WDFY4: variants seen among roughly 807,000 people sequenced by gnomAD.
WDFY4 encodes the protein WDFY family member 4, also known as WD repeat- and FYVE domain-containing protein 4.
Under a neutral mutation model 351.9 loss-of-function variants are expected in WDFY4, and 169 were observed. The ratio of observed to expected loss-of-function variants is 0.48; its 90% CI spans 0.42 to 0.55. The LOEUF (loss-of-function observed/expected upper bound fraction) is 0.55, where lower values mean the gene tolerates loss of function less well. Among genes scored for constraint, WDFY4 ranks in the 20% least tolerant of loss-of-function variants. The pLI, the probability that WDFY4 is intolerant of heterozygous loss-of-function variation, is 0.00. For missense variants in WDFY4, 3,803 were observed against 3,935.6 expected (o/e 0.97, Z 0.90); for synonymous variants, 1,622 against 1,574.6 (o/e 1.03, Z -0.71).
At chr10:48,696,380 C>T (rs766277760) in intron 1 of WDFY4, among the ~76,000 whole-genome samples, 7 of 152,226 alleles carry the variant, frequency 4.6e-5, no homozygotes, top group Non-Finnish European at 5.9e-5. Context: ...GCCCCTGACT[C>T]CACCTGGCCC....
Position 48,787,892 on chromosome 10 carries a change from TCCTTCTTCTTCTTC to T in WDFY4, c.3809-637_3809-624del, listed in dbSNP as rs1565198412. 3.3e-3 allele frequency among the ~76,000 whole-genome samples: 238 copies of T among 72,280 alleles called. 7 individuals carry two copies. Among genetic ancestry groups the T allele is most frequent in the East Asian group, 0.014 (25 of 1,728 alleles). The allele number at this position is 72,280 out of a possible 152,430, so 47.4% of individuals were successfully genotyped here. ...CTTTCTTCTTTCTTTCTTCTTCTTC[TCCTTCTTCTTCTTC>T]TTCTTCTTCTTCTTCTTCTTCTTCT... On this transcript the variant is annotated intron_variant, in intron 20 of 61. Transcript: ENST00000325239.
intron 47 of WDFY4, among the ~76,000 whole-genome samples, chr10:48,921,961 CTAAG>C (rs1436872346): frequency 2.0e-5 from 3 of 152,110 alleles, no homozygotes; most frequent in East Asian, 3.8e-4. Context: ...ATTTTCCCAA[CTAAG>C]TATTTACCCT....
chr10:48,875,479 A>G (rs779652536), intron 42 of WDFY4, among the ~76,000 whole-genome samples: 3 of 152,226 alleles, frequency 2.0e-5, no homozygotes, highest in Non-Finnish European at 2.9e-5. Flanking sequence ...CAGTGGCATA[A>G]TCACAACTCA....
intron 39 of WDFY4, among the ~76,000 whole-genome samples, chr10:48,843,296 T>C (rs753241489): frequency 6.6e-5 from 10 of 152,246 alleles, no homozygotes; most frequent in Non-Finnish European, 1.3e-4. Flanking sequence ...TTATATGCCA[T>C]ATATGAAGGC....
chr10:48,814,407 C>T (rs1174411634), intron 31 of WDFY4, among the ~76,000 whole-genome samples: 1 of 152,224 alleles, frequency 6.6e-6, no homozygotes, highest in Non-Finnish European at 1.5e-5. Context: ...CTCAACGAGT[C>T]CATCTCCTCG....
In WDFY4 at chr10:48,913,509, T is replaced by C. The variant is rs533050061; in HGVS notation, c.7586+11646T>C. ...GATTCTATTCAGGTTGTCCCGGGCG[T>C]TTTGGCATTTTCTCAGGCAAGCCGC... On this transcript the variant is annotated intron_variant, in intron 47 of 61. Transcript: ENST00000325239. 9.9e-4 allele frequency: 1,591 copies of C among 1,613,702 alleles called. 29 individuals are homozygous for C. The South Asian group carries it at 0.016, about 16-fold the overall frequency.
chr10:48,808,946 A>C (rs181243950), intron 28 of WDFY4, among the ~76,000 whole-genome samples: 1 of 152,310 alleles, frequency 6.6e-6, no homozygotes, highest in East Asian at 1.9e-4. Context: ...TGTTGGTGAA[A>C]ATGTAATTGT....
rs368931313 is a variant in WDFY4 at position 48,731,459 on chromosome 10, C to A, written c.1479C>A (p.Ile493=). Residue 493 remains isoleucine, a synonymous_variant, in exon 9 of 62, where the codon ATC becomes ATA. Transcript: ENST00000325239. The stretch of plus-strand genomic sequence containing the variant: ...TGGCCCTGCAGAGCATCCTCAGCAT[C>A]GCTGGTGGGGACCCCCTCTTCACCG... The part of the protein sequence containing the change: ...TLMALQSILS[I]AGGDPLFTDI... The A allele has an allele frequency of 1.3e-6, 2 of 1,551,574 alleles. No individual in the cohort carries two copies. The highest frequency in any genetic ancestry group is 1.7e-6 in the Non-Finnish European group (2 of 1,147,010).
At chr10:48,788,795 T>C in intron 21 of WDFY4, 120 bp downstream of exon 21, 1 of 1,305,302 alleles carries the variant, frequency 7.7e-7, no homozygotes, top group Non-Finnish European at 1.0e-6. Flanking sequence ...GATACACAAA[T>C]ACATGTTTCC....
At chr10:48,946,783 A>G in intron 50 of WDFY4, 77 bp from the exon 51 acceptor site, 1 of 1,075,302 alleles carries the variant, frequency 9.3e-7, no homozygotes, top group South Asian at 1.4e-5. Context: ...CCGTTCATGA[A>G]CACAGTGTAG....
chr10:48,820,486 C>T (rs770659311), intron 33 of WDFY4, 49 bp downstream of exon 33: 6 of 1,524,152 alleles, frequency 3.9e-6, no homozygotes, highest in Non-Finnish European at 4.4e-6. Context: ...AGGCTGCCGG[C>T]ATACCGGCAC....
chr10:48,767,654 G>A lies in WDFY4; in HGVS notation c.2554-6804G>A, dbSNP rs534098305. Among the ~76,000 whole-genome samples the A allele has an allele frequency of 7.9e-4, 120 of 152,290 alleles. 5 individuals are homozygous for A. The South Asian group carries it at 0.024, about 31-fold the overall frequency. ...AGGAGAAGGGTCCCTGTCAGCTTGAGCGAGGGATCAGAATCCATGGGATCA... is the reference window on the plus strand; with the variant it reads ...AGGAGAAGGGTCCCTGTCAGCTTGAACGAGGGATCAGAATCCATGGGATCA... On this transcript the variant is annotated intron_variant, in intron 13 of 61. Coordinates refer to ENST00000325239, the MANE Select transcript of WDFY4 (RefSeq NM_001394531.1).
intron 47 of WDFY4, among the ~76,000 whole-genome samples, chr10:48,922,008 C>T (rs1165043942): frequency 1.3e-5 from 2 of 152,110 alleles, no homozygotes; most frequent in East Asian, 3.8e-4. Context: ...ATACTGAAAC[C>T]TGTTCACAGG....
rs186862403 is a variant in WDFY4 at position 48,822,474 on chromosome 10, C to T, written c.5919C>T (p.Tyr1973=). The T allele has an allele frequency of 2.4e-4, 367 of 1,551,082 alleles. No individual in the cohort carries two copies. The African/African-American group carries it at 4.6e-3, about 20-fold the overall frequency. The change falls in exon 35 of 62, where the codon TAC becomes TAT. Residue 1973 remains tyrosine (Y), a synonymous_variant. Transcript: ENST00000325239. ...CCCAGAAGCTGGTGGAGAAGCTGTA[C>T]AGTGGGATGTTCTCGGCAGACCCCA... ...CFTQKLVEKL[Y]SGMFSADPRH...
intron 57 of WDFY4, among the ~76,000 whole-genome samples, chr10:48,974,527 A>AAAACAAC: frequency 4.3e-5 from 1 of 23,148 alleles, no homozygotes; most frequent in African/African-American, 7.3e-5. Context: ...AAAAAAAAAA[A>AAAACAAC]AACAACTCAT....
chr10:48,812,598 A>G (rs1196614106), intron 30 of WDFY4, among the ~76,000 whole-genome samples: 2 of 152,128 alleles, frequency 1.3e-5, no homozygotes, highest in Non-Finnish European at 2.9e-5. Context: ...CTGCCCCTTG[A>G]TAACACTCCT....
intron 46 of WDFY4, 82 bp from the exon 47 acceptor site, chr10:48,901,719 T>G: frequency 6.9e-7 from 1 of 1,452,724 alleles, no homozygotes; most frequent in Non-Finnish European, 9.5e-7. Context: ...CCTAGCTTCC[T>G]GCCTGACTCC....
chr10:48,958,334 G>A (rs1486902672), intron 52 of WDFY4, among the ~76,000 whole-genome samples: 5 of 152,178 alleles, frequency 3.3e-5, no homozygotes, highest in Non-Finnish European at 1.5e-5. Context: ...AAATTCAAAG[G>A]ATGGATCCCC....
intron 43 of WDFY4, among the ~76,000 whole-genome samples, chr10:48,877,788 G>T (rs2070085755): frequency 6.6e-6 from 1 of 152,182 alleles, no homozygotes; most frequent in African/African-American, 2.4e-5. Flanking sequence ...GGAAACCCGG[G>T]GTCCTGGGTG....
Sources: gnomAD v4.1 joint callset for allele counts (sites outside exome capture counted in the v4.1 genomes callset) on GRCh38, gnomAD v4.1.1 for gene constraint, MANE v1.5 for transcripts, NCBI Gene and HGNC (gene_info 2026-07-23, HGNC 2026-07-21) for gene names.